The following BMPR2 variants were observed in gnomAD, a reference collection of about 807,000 sequenced individuals.
BMPR2 encodes the protein bone morphogenetic protein receptor type 2.
In BMPR2, 29 loss-of-function variants were observed where a neutral mutation model predicts 100.8. The ratio of observed to expected loss-of-function variants is 0.29; its 90% confidence interval spans 0.21 to 0.39. The LOEUF (loss-of-function observed/expected upper bound fraction) is 0.39, where lower values mean the gene tolerates loss of function less well. Ranked by LOEUF, BMPR2 falls within the 10% of genes least tolerant of loss-of-function variation. The pLI, the probability that BMPR2 is intolerant of heterozygous loss-of-function variation, is 1.00. For synonymous variants in BMPR2, 382 were observed against 442.3 expected (o/e 0.86, Z 1.71); for missense variants, 1,011 against 1,274.5 (o/e 0.79, Z 3.15).
At chr2:202,467,263 C>CAATA (rs1253013910) in intron 2 of BMPR2, among the ~76,000 whole-genome samples, 1 of 152,082 alleles carries the variant, frequency 6.6e-6, no homozygotes, top group African/African-American at 2.4e-5. Flanking sequence ...AACTCCGCCT[C>CAATA]AATAAATAAA....
chr2:202,394,598 G>C (rs1690621968), intron 1 of BMPR2, among the ~76,000 whole-genome samples: 3 of 152,018 alleles, frequency 2.0e-5, no homozygotes, highest in Admixed American at 6.6e-5. Context: ...TCCTGTTTTA[G>C]AGTTAGGGAA....
chr2:202,511,531 T>C (rs1441743335), intron 3 of BMPR2, among the ~76,000 whole-genome samples: 4 of 152,228 alleles, frequency 2.6e-5, no homozygotes, highest in South Asian at 2.1e-4. Flanking sequence ...CCACTTGCAA[T>C]GTACAAGAGT....
rs1481422225 is a variant in BMPR2, at chr2:202,485,047, G to A, written c.418+17358G>A. On this transcript the variant is annotated intron_variant, in intron 3 of 12. Coordinates refer to ENST00000374580, the MANE Select transcript of BMPR2 (RefSeq NM_001204.7). ...TCACTCTTTCACCCAGGCTTGTTTC[G>A]AACTCCTGGGCTCAAGCAATCCTCC... Among the ~76,000 whole-genome samples, 6 of 150,322 alleles carry A rather than the reference G, an allele frequency of 4.0e-5. No individual in the cohort carries two copies. The South Asian group carries it at 8.5e-4, about 21-fold the overall frequency.
intron 1 of BMPR2, among the ~76,000 whole-genome samples, chr2:202,422,605 C>A (rs962303788): frequency 1.3e-4 from 20 of 152,082 alleles, no homozygotes; most frequent in African/African-American, 4.6e-4. Flanking sequence ...CGTGCCCGGC[C>A]ATAAAGTTTT....
At chr2:202,413,284 T>C (rs1338555651) in intron 1 of BMPR2, among the ~76,000 whole-genome samples, 4 of 152,150 alleles carry the variant, frequency 2.6e-5, no homozygotes, top group Non-Finnish European at 5.9e-5. Context: ...GTGTTCTAAG[T>C]GCAAGAAAGC....
At chr2:202,546,902 G>A (rs1217774175) in intron 10 of BMPR2, among the ~76,000 whole-genome samples, 1 of 133,002 alleles carries the variant, frequency 7.5e-6, no homozygotes, top group East Asian at 2.2e-4. Context: ...GTGCCCAGCC[G>A]GTGTTTTGTT....
intron 9 of BMPR2, among the ~76,000 whole-genome samples, chr2:202,534,830 G>T (rs1382152465): frequency 2.0e-5 from 3 of 151,318 alleles, no homozygotes; most frequent in African/African-American, 7.3e-5. Context: ...CCTCCCGGAC[G>T]GGGCGGCTGG....
intron 1 of BMPR2, among the ~76,000 whole-genome samples, chr2:202,429,999 T>C (rs1691473073): frequency 6.6e-6 from 1 of 152,190 alleles, no homozygotes; most frequent in East Asian, 1.9e-4. Context: ...CTGTAGAATA[T>C]GTGGCTTAAA....
At chr2:202,433,294 T>C (rs1691543004) in intron 1 of BMPR2, among the ~76,000 whole-genome samples, 1 of 150,388 alleles carries the variant, frequency 6.6e-6, no homozygotes, top group Admixed American at 6.6e-5. Context: ...TATGTATAGA[T>C]AGATACACAA....
intron 8 of BMPR2, 91 bp downstream of exon 8, chr2:202,531,045 G>C: frequency 1.3e-6 from 2 of 1,493,634 alleles, no homozygotes; most frequent in Non-Finnish European, 1.8e-6. Context: ...GCTCACGCCT[G>C]TAATCCCAGC....
At chr2:202,450,122 C>A (rs1021350569) in intron 1 of BMPR2, among the ~76,000 whole-genome samples, 3 of 151,978 alleles carry the variant, frequency 2.0e-5, no homozygotes, top group Admixed American at 1.3e-4. Flanking sequence ...AAAACAACAA[C>A]AAGAACAACA....
At chr2:202,434,748 C>A (rs1294750235) in intron 1 of BMPR2, among the ~76,000 whole-genome samples, 1 of 147,726 alleles carries the variant, frequency 6.8e-6, no homozygotes, top group Non-Finnish European at 1.5e-5. Flanking sequence ...CTCAGCCTCC[C>A]AAGTAGCTAG....
At chr2:202,534,856 A>AC (rs1320668880) in intron 9 of BMPR2, among the ~76,000 whole-genome samples, 10 of 123,008 alleles carry the variant, frequency 8.1e-5, no homozygotes, top group South Asian at 2.6e-4. Flanking sequence ...CGGGGGGCTG[A>AC]CCCCCCCACC....
chr2:202,432,422 T>C, intron 1 of BMPR2, among the ~76,000 whole-genome samples: 1 of 150,576 alleles, frequency 6.6e-6, no homozygotes, highest in Non-Finnish European at 1.5e-5. Context: ...TTTGGCAATA[T>C]GTGGAGACAT....
rs530532693 is a variant in BMPR2, at chr2:202,525,316, A to G, written c.967+5115A>G. Among the ~76,000 whole-genome samples, 3 of 151,944 alleles carry G rather than the reference A, an allele frequency of 2.0e-5. 1 individual carries two copies. In the South Asian group the frequency reaches 6.2e-4, roughly 32 times the overall value. Reference sequence around the variant, plus strand: ...AACCTCTGCCTCCCTGGTTCAAGCAATTCTCCTGCCTCAGTCTCCCAAGCA... The same window carrying G: ...AACCTCTGCCTCCCTGGTTCAAGCAGTTCTCCTGCCTCAGTCTCCCAAGCA... On this transcript the variant is annotated intron_variant, in intron 7 of 12. Transcript: ENST00000374580.
intron 1 of BMPR2, among the ~76,000 whole-genome samples, chr2:202,410,295 G>T (rs903215342): frequency 1.3e-5 from 2 of 152,020 alleles, no homozygotes; most frequent in Middle Eastern, 3.4e-3. Context: ...CCAGATCTTG[G>T]TTTCTAAATA....
chr2:202,461,030 T>C (rs775043681), intron 1 of BMPR2, among the ~76,000 whole-genome samples: 7 of 151,964 alleles, frequency 4.6e-5, no homozygotes, highest in Non-Finnish European at 1.0e-4. Flanking sequence ...TTTAATTCCT[T>C]GTGGTTACCT....
In BMPR2 at chr2:202,478,488, C is replaced by T. The variant is rs371400810; in HGVS notation, c.418+10799C>T. On this transcript the variant is annotated intron_variant, in intron 3 of 12. Coordinates refer to ENST00000374580, the MANE Select transcript of BMPR2 (RefSeq NM_001204.7). ...TTAACAGGGCATGGTGGCATGTGCC[C>T]GTACTTCCAAAGTAGTCCCAACTGT... 3.0e-4 allele frequency among the ~76,000 whole-genome samples: 45 copies of T among 152,268 alleles called. No individual in the cohort carries two copies. In the South Asian group the frequency reaches 6.8e-3, roughly 23 times the overall value.
chr2:202,491,118 C>T (rs1692892018), intron 3 of BMPR2, among the ~76,000 whole-genome samples: 2 of 151,960 alleles, frequency 1.3e-5, no homozygotes, highest in East Asian at 1.9e-4. Context: ...GATGGGGTCT[C>T]GCCATGTTGC....
Sources: gnomAD v4.1 joint callset for allele counts (sites outside exome capture counted in the v4.1 genomes callset) on GRCh38, gnomAD v4.1.1 for gene constraint, MANE v1.5 for transcripts, NCBI Gene and HGNC (gene_info 2026-07-23, HGNC 2026-07-21) for gene names.